Variants in PTPRD observed in about 807,000 individuals in gnomAD.
PTPRD encodes the protein protein tyrosine phosphatase receptor type D, also known as receptor-type tyrosine-protein phosphatase delta.
PTPRD carries 34 observed loss-of-function variants against 214.5 expected under a neutral mutation model. That is an observed-to-expected ratio of 0.16 (90% CI 0.12 to 0.21). The LOEUF is 0.21. Ranked by LOEUF, PTPRD falls within the 10% of genes least tolerant of loss-of-function variation. PTPRD has a pLI of 1.00. For missense variants in PTPRD, 2,545 were observed against 2,398.7 expected (o/e 1.06, Z -1.27); for synonymous variants, 1,128 against 845.7 (o/e 1.33, Z -5.79).
intron 2 of PTPRD, among the ~76,000 whole-genome samples, chr9:10,518,195 A>G (rs1475792472): frequency 1.3e-5 from 2 of 152,172 alleles, no homozygotes; most frequent in African/African-American, 4.8e-5. Context: ...AATAGTGAGA[A>G]AATTAAGGAT....
intron 3 of PTPRD, among the ~76,000 whole-genome samples, chr9:10,052,844 C>T (rs71497171): frequency 0.059 from 8,932 of 152,204 alleles, 313 homozygotes; most frequent in Non-Finnish European, 0.075. Flanking sequence ...TATTTCCCAT[C>T]TCACCTCCAT....
At chr9:9,514,894 T>C (rs1190220655) in intron 8 of PTPRD, among the ~76,000 whole-genome samples, 1 of 152,150 alleles carries the variant, frequency 6.6e-6, no homozygotes, top group Non-Finnish European at 1.5e-5. Context: ...ATTAAATTGC[T>C]CTGTGTCATA....
intron 14 of PTPRD, among the ~76,000 whole-genome samples, chr9:8,589,730 C>A (rs577580611): frequency 6.6e-6 from 1 of 152,274 alleles, no homozygotes; most frequent in African/African-American, 2.4e-5. Flanking sequence ...ACGTCTGCCA[C>A]CTCAGAAATC....
intron 9 of PTPRD, among the ~76,000 whole-genome samples, chr9:9,235,732 G>A (rs1178067777): frequency 6.6e-6 from 1 of 152,102 alleles, no homozygotes; most frequent in Non-Finnish European, 1.5e-5. Flanking sequence ...CCAGATTTCT[G>A]CCTCCAGAAT....
intron 9 of PTPRD, among the ~76,000 whole-genome samples, chr9:9,296,716 C>T (rs1355565424): frequency 6.6e-6 from 1 of 151,800 alleles, no homozygotes; most frequent in East Asian, 2.0e-4. Flanking sequence ...GCTCTGATTG[C>T]TTTTGACATT....
intron 10 of PTPRD, among the ~76,000 whole-genome samples, chr9:9,036,363 A>C (rs1277838846): frequency 6.6e-6 from 1 of 152,150 alleles, no homozygotes; most frequent in African/African-American, 2.4e-5. Flanking sequence ...GAAGACACTG[A>C]GACAAAAAGG....
At chr9:9,359,022 C>T (rs1273689393) in intron 9 of PTPRD, among the ~76,000 whole-genome samples, 1 of 151,220 alleles carries the variant, frequency 6.6e-6, no homozygotes, top group Non-Finnish European at 1.5e-5. Flanking sequence ...TATGAATTTT[C>T]TGGAAATTAT....
intron 2 of PTPRD, among the ~76,000 whole-genome samples, chr9:10,393,640 T>C (rs546054817): frequency 2.7e-5 from 4 of 148,656 alleles, no homozygotes; most frequent in African/African-American, 9.8e-5. Flanking sequence ...TGCAAGTATA[T>C]ATATATATTA....
rs117353981 is a variant in PTPRD at position 9,728,898 on chromosome 9, T to C, written c.-287+5635A>G. On this transcript the variant is annotated intron_variant, in intron 7 of 45. Coordinates refer to ENST00000381196, the MANE Select transcript of PTPRD (RefSeq NM_002839.4). The stretch of plus-strand genomic sequence containing the variant: ...CATTTGTTAAGTGATTCATAGTTGA[T>C]TTTTATTAAAATTTGTAGTACTATT... Among the ~76,000 whole-genome samples the C allele has an allele frequency of 1.8e-3, 279 of 152,268 alleles. 6 individuals carry two copies. In the East Asian group the frequency reaches 0.043, roughly 24 times the overall value.
intron 5 of PTPRD, among the ~76,000 whole-genome samples, 169 bp downstream of exon 5, chr9:9,938,338 G>A (rs917225480): frequency 5.9e-5 from 9 of 152,170 alleles, no homozygotes; most frequent in Non-Finnish European, 1.3e-4. Flanking sequence ...TTGACCTAAA[G>A]ACACTATCGA....
chr9:8,778,077 T>G (rs1159971113), intron 11 of PTPRD, among the ~76,000 whole-genome samples: 1 of 152,224 alleles, frequency 6.6e-6, no homozygotes, highest in African/African-American at 2.4e-5. Context: ...AAACTACTGT[T>G]GCTCTGTGGT....
At chr9:10,149,742 T>C (rs1205077464) in intron 3 of PTPRD, among the ~76,000 whole-genome samples, 1 of 151,850 alleles carries the variant, frequency 6.6e-6, no homozygotes, top group Non-Finnish European at 1.5e-5. Context: ...TCTTTTTTTT[T>C]TTTTCTGAGA....
chr9:9,754,547 T>C (rs935771515), intron 6 of PTPRD, among the ~76,000 whole-genome samples: 9 of 152,048 alleles, frequency 5.9e-5, no homozygotes, highest in African/African-American at 1.9e-4. Flanking sequence ...ATTAGCATCT[T>C]TGAGACATTT....
chr9:8,611,926 T>TGAAAAGAAAA lies in PTPRD; in HGVS notation c.352+21381_352+21390dup, dbSNP rs149119715. 1.6e-4 allele frequency among the ~76,000 whole-genome samples: 15 copies of TGAAAAGAAAA among 96,254 alleles called. No homozygotes were observed. In the South Asian group the frequency reaches 3.8e-3, roughly 25 times the overall value. The allele number at this position is 96,254 out of a possible 152,430, so 63.1% of individuals were successfully genotyped here. ...TTTGTACCTAAATATCAAGACCTTG[T>TGAAAAGAAAA]GAAAAGAAAAGAAAAGAAAAGAGAA... On this transcript the variant is annotated intron_variant, in intron 14 of 45. Transcript: ENST00000381196.
At chr9:9,815,961 G>GA (rs2048633849) in intron 5 of PTPRD, among the ~76,000 whole-genome samples, 1 of 152,126 alleles carries the variant, frequency 6.6e-6, no homozygotes, top group African/African-American at 2.4e-5. Flanking sequence ...TTTTTTAAGT[G>GA]AAAGTGTGGA....
At chr9:10,007,739 C>CT (rs2096515727) in intron 4 of PTPRD, among the ~76,000 whole-genome samples, 1 of 151,900 alleles carries the variant, frequency 6.6e-6, no homozygotes, top group South Asian at 2.1e-4. Context: ...TTGTGAATAG[C>CT]TTCAGCATTT....
chr9:9,683,800 A>C (rs147722651), intron 7 of PTPRD, among the ~76,000 whole-genome samples: 5 of 148,924 alleles, frequency 3.4e-5, no homozygotes, highest in Non-Finnish European at 7.5e-5. Flanking sequence ...TTTTATACAT[A>C]AAAAATCATT....
intron 8 of PTPRD, among the ~76,000 whole-genome samples, chr9:9,480,322 G>C (rs1017260903): frequency 1.3e-5 from 2 of 152,276 alleles, no homozygotes; most frequent in African/African-American, 4.8e-5. Context: ...TTGCTCACAA[G>C]GGAGAAAAGG....
chr9:8,677,630 A>G (rs1352290221), intron 12 of PTPRD, among the ~76,000 whole-genome samples: 1 of 152,218 alleles, frequency 6.6e-6, no homozygotes, highest in East Asian at 1.9e-4. Context: ...TTATCTATAT[A>G]GAACCAATCT....
Sources: gnomAD v4.1 joint callset for allele counts (sites outside exome capture counted in the v4.1 genomes callset) on GRCh38, gnomAD v4.1.1 for gene constraint, MANE v1.5 for transcripts, NCBI Gene and HGNC (gene_info 2026-07-23, HGNC 2026-07-21) for gene names.